Variants in IL19 observed in about 807,000 individuals in gnomAD.
IL19 encodes the protein interleukin 19, also known as interleukin-19.
A neutral mutation model predicts 19.5 loss-of-function variants in IL19; 15 were observed. The ratio of observed to expected loss-of-function variants is 0.77; its 90% CI spans 0.52 to 1.19. IL19 has a LOEUF of 1.19. Ranked by LOEUF, IL19 falls within the 50% of genes most tolerant of loss-of-function variation. The pLI is 0.00. For missense variants in IL19, 199 were observed against 213.1 expected (o/e 0.93, Z 0.41); for synonymous variants, 78 against 78.3 (o/e 1.00, Z 0.02).
chr1:206,828,335 A>C (rs1364358535), intron 2 of IL19, among the ~76,000 whole-genome samples: 1 of 152,230 alleles, frequency 6.6e-6, no homozygotes, highest in Non-Finnish European at 1.5e-5. Flanking sequence ...ACATCTGCAC[A>C]TTCCAAGTTT....
intron 2 of IL19, among the ~76,000 whole-genome samples, chr1:206,804,850 C>A (rs1422800597): frequency 6.6e-6 from 1 of 152,212 alleles, no homozygotes; most frequent in Non-Finnish European, 1.5e-5. Flanking sequence ...GCAGCTGTAT[C>A]TTTCAAGGAT....
At chr1:206,799,587 G>A (rs1355701328) in intron 2 of IL19, among the ~76,000 whole-genome samples, 1 of 152,214 alleles carries the variant, frequency 6.6e-6, no homozygotes, top group Non-Finnish European at 1.5e-5. Flanking sequence ...GACTGCAACT[G>A]CACAGCTCTA....
chr1:206,772,251 C>T lies in IL19; in HGVS notation c.-149+1173C>T, dbSNP rs749899175. 21 of 1,609,910 alleles carry T rather than the reference C, an allele frequency of 1.3e-5. No individual in the cohort carries two copies. Among genetic ancestry groups the T allele is most frequent in the Non-Finnish European group, 1.7e-5 (20 of 1,176,394 alleles). Reference sequence around the variant, plus strand: ...GGCAGTCCCAGGAAGAGAGAAAGGACAGGAAGGAATCATACTCACAAAGAA... The same window carrying T: ...GGCAGTCCCAGGAAGAGAGAAAGGATAGGAAGGAATCATACTCACAAAGAA... On this transcript the variant is annotated intron_variant, in intron 1 of 6. Coordinates refer to ENST00000659997, the MANE Select transcript of IL19 (RefSeq NM_153758.5).
intron 2 of IL19, among the ~76,000 whole-genome samples, chr1:206,835,176 C>T (rs968602077): frequency 6.6e-6 from 1 of 152,200 alleles, no homozygotes; most frequent in African/African-American, 2.4e-5. Context: ...CAATATCTGC[C>T]TGCTTCTGAG....
At chr1:206,799,972 T>C (rs1337906760) in intron 2 of IL19, among the ~76,000 whole-genome samples, 1 of 152,224 alleles carries the variant, frequency 6.6e-6, no homozygotes, top group Non-Finnish European at 1.5e-5. Context: ...ATAAGCAAGT[T>C]TGTTTATCTC....
At chr1:206,800,289 G>A (rs916426691) in intron 2 of IL19, among the ~76,000 whole-genome samples, 1 of 152,228 alleles carries the variant, frequency 6.6e-6, no homozygotes, top group Non-Finnish European at 1.5e-5. Context: ...TTTCAGCTGG[G>A]TGCCAAGGAT....
At chr1:206,803,508 C>T (rs1675769289) in intron 2 of IL19, among the ~76,000 whole-genome samples, 2 of 152,126 alleles carry the variant, frequency 1.3e-5, no homozygotes, top group Admixed American at 6.5e-5. Context: ...AGCATCTTGG[C>T]CAGCCCACAA....
At chr1:206,776,902 G>A (rs566996233) in intron 1 of IL19, among the ~76,000 whole-genome samples, 1 of 90,172 alleles carries the variant, frequency 1.1e-5, no homozygotes, top group Non-Finnish European at 2.0e-5. Context: ...ATTAAATCTT[G>A]CAACTACAAA....
intron 2 of IL19, among the ~76,000 whole-genome samples, chr1:206,831,187 G>A (rs970737511): frequency 6.6e-6 from 1 of 152,172 alleles, no homozygotes; most frequent in African/African-American, 2.4e-5. Context: ...AAATTCATGA[G>A]GTTGGAGTGC....
intron 2 of IL19, among the ~76,000 whole-genome samples, chr1:206,818,759 T>G (rs528589631): frequency 1.3e-5 from 2 of 152,260 alleles, no homozygotes; most frequent in South Asian, 4.1e-4. Context: ...CTCCAGATCT[T>G]ACTTAGGTTT....
intron 4 of IL19, 65 bp from the exon 5 acceptor site, chr1:206,839,785 A>G (rs1381116362): frequency 7.0e-7 from 1 of 1,427,782 alleles, no homozygotes; most frequent in East Asian, 2.3e-5. Context: ...ACTCAAATGG[A>G]CTGCCCTGGT....
chr1:206,780,573 C>T (rs1187007551), intron 1 of IL19, among the ~76,000 whole-genome samples: 3 of 152,202 alleles, frequency 2.0e-5, no homozygotes, highest in Non-Finnish European at 4.4e-5. Context: ...CGGATGTTAA[C>T]TCCTCCATGG....
chr1:206,806,838 A>G (rs1470996981), intron 2 of IL19, among the ~76,000 whole-genome samples: 1 of 152,140 alleles, frequency 6.6e-6, no homozygotes, highest in African/African-American at 2.4e-5. Flanking sequence ...CTTCTAAGCC[A>G]TTTTGTACAT....
chr1:206,830,798 C>T (rs545714144), intron 2 of IL19, among the ~76,000 whole-genome samples: 2 of 152,282 alleles, frequency 1.3e-5, no homozygotes, highest in South Asian at 2.1e-4. Context: ...AGGATGGTCT[C>T]GATCTCCTGA....
chr1:206,839,397 C>T (rs377365986), intron 4 of IL19, among the ~76,000 whole-genome samples: 6 of 152,322 alleles, frequency 3.9e-5, no homozygotes, highest in African/African-American at 1.4e-4. Context: ...TGGCATGCAA[C>T]AGCCCTTGCA....
At chr1:206,796,191 A>G (rs1675519267) in intron 1 of IL19, among the ~76,000 whole-genome samples, 1 of 152,082 alleles carries the variant, frequency 6.6e-6, no homozygotes, top group African/African-American at 2.4e-5. Context: ...GAAAAGGGGA[A>G]TTCTCCTTTC....
At chr1:206,812,777 T>G (rs543694026) in intron 2 of IL19, among the ~76,000 whole-genome samples, 1 of 152,358 alleles carries the variant, frequency 6.6e-6, no homozygotes, top group Admixed American at 6.5e-5. Flanking sequence ...AATTATGGCC[T>G]CATGACTAGT....
intron 2 of IL19, among the ~76,000 whole-genome samples, chr1:206,806,053 A>G (rs2102464176): frequency 6.6e-6 from 1 of 152,296 alleles, no homozygotes; most frequent in Non-Finnish European, 1.5e-5. Flanking sequence ...ATCCCAGTGG[A>G]AAAGAGAGTT....
intron 2 of IL19, among the ~76,000 whole-genome samples, chr1:206,806,755 C>T (rs781440684): frequency 6.6e-5 from 10 of 152,240 alleles, no homozygotes; most frequent in Non-Finnish European, 4.4e-5. Flanking sequence ...TCGTGTTAGT[C>T]CAAGTCAATA....
Sources: allele counts gnomAD v4.1 joint callset (sites outside exome capture counted in the v4.1 genomes callset), GRCh38; gene constraint gnomAD v4.1.1; transcripts MANE v1.5; gene names NCBI Gene and HGNC (gene_info 2026-07-23, HGNC 2026-07-21).